PPP1R12A: variants seen among roughly 807,000 people sequenced by gnomAD.
PPP1R12A encodes the protein myosin binding subunit.
PPP1R12A carries 19 observed loss-of-function variants against 139.6 expected under a neutral mutation model. That is an observed-to-expected ratio of 0.14 (90% CI 0.09 to 0.20). The LOEUF (loss-of-function observed/expected upper bound fraction) is 0.20, where lower values mean the gene tolerates loss of function less well. Ranked by LOEUF, PPP1R12A falls within the 10% of genes least tolerant of loss-of-function variation. The pLI is 1.00. For missense variants in PPP1R12A, 925 were observed against 1,211.5 expected (o/e 0.76, Z 3.51); for synonymous variants, 427 against 420.6 (o/e 1.02, Z -0.19).
chr12:79,790,475 G>A lies in PPP1R12A; in HGVS notation c.2658C>T (p.Ser886=). 2.2e-6 allele frequency: 3 copies of A among 1,367,204 alleles called. No homozygotes were observed. Among genetic ancestry groups the A allele is most frequent in the African/African-American group, 1.5e-5 (1 of 67,692 alleles). The allele number at this position is 1,367,204 out of a possible 1,614,324, so 84.7% of individuals were successfully genotyped here. The stretch of plus-strand genomic sequence containing the variant: ...AAATAAATAAAACATACCTAGAAAT[G>A]GAATCCGTCTGGAAAGAAAGAGAAA... ...GSNKKETQTD[S]ISRYETSSTS... The change falls in exon 20 of 25, where the codon TCC becomes TCT. Residue 886 remains serine (S), a synonymous_variant. Transcript: ENST00000450142.
chr12:79,782,040 G>A (rs1210904221), intron 22 of PPP1R12A, 178 bp from the exon 23 acceptor site: 3 of 393,876 alleles, frequency 7.6e-6, no homozygotes, highest in Non-Finnish European at 1.4e-5. Flanking sequence ...TGCAATGAAT[G>A]TTTAGAAATA....
chr12:79,880,021 T>C (rs1164196016), intron 1 of PPP1R12A, among the ~76,000 whole-genome samples: 1 of 151,976 alleles, frequency 6.6e-6, no homozygotes, highest in Admixed American at 6.6e-5. Context: ...TCTGAAAACA[T>C]TTTTTTCCCC....
intron 15 of PPP1R12A, among the ~76,000 whole-genome samples, chr12:79,797,903 G>A (rs1053727909): frequency 1.3e-5 from 2 of 152,150 alleles, no homozygotes; most frequent in East Asian, 1.9e-4. Context: ...GGTAAGGATA[G>A]ACAGCTGAAT....
intron 1 of PPP1R12A, among the ~76,000 whole-genome samples, chr12:79,901,539 T>C (rs1468199389): frequency 1.3e-5 from 2 of 148,832 alleles, no homozygotes; most frequent in African/African-American, 4.9e-5. Flanking sequence ...ATGTGAAAAG[T>C]GCACAGCTTC....
In PPP1R12A at chr12:79,821,180, T is replaced by A. The variant is rs753426746; in HGVS notation, c.868-14A>T. 7 of 1,570,190 alleles carry A rather than the reference T, an allele frequency of 4.5e-6. No homozygotes were observed. Among genetic ancestry groups the A allele is most frequent in the Admixed American group, 3.5e-5 (2 of 56,996 alleles). Reference sequence around the variant, plus strand: ...TTCACTATGGAGCTTTGTACAAAGTTATGCAAAGGAAAATAAGAAAACTAT... The same window carrying A: ...TTCACTATGGAGCTTTGTACAAAGTAATGCAAAGGAAAATAAGAAAACTAT... On this transcript the variant is annotated splice_polypyrimidine_tract_variant and intron_variant, in intron 6 of 24. Coordinates refer to ENST00000450142, the MANE Select transcript of PPP1R12A (RefSeq NM_002480.3).
At position 79,903,016 on chromosome 12, in the gene PPP1R12A, T is replaced by TTATC. The variant is rs151178416; in HGVS notation, c.238-30082_238-30079dup. ...CGTGTACGTGTAAGAAAATGACTGC[T>TTATC]TATCAGTAGCATATAAATTCAGTCA... On this transcript the variant is annotated intron_variant, in intron 1 of 24. Transcript: ENST00000450142. Among the ~76,000 whole-genome samples the TTATC allele has an allele frequency of 2.7e-3, 410 of 152,232 alleles. 2 individuals carry two copies. Among genetic ancestry groups the TTATC allele is most frequent in the African/African-American group, 9.5e-3 (396 of 41,516 alleles).
intron 3 of PPP1R12A, among the ~76,000 whole-genome samples, chr12:79,841,958 A>T (rs935469430): frequency 2.0e-5 from 3 of 152,010 alleles, no homozygotes; most frequent in Non-Finnish European, 4.4e-5. Context: ...ACTTTTTATA[A>T]CACCTCAATT....
At chr12:79,847,441 AC>A (rs1266660299) in intron 2 of PPP1R12A, among the ~76,000 whole-genome samples, 2 of 152,216 alleles carry the variant, frequency 1.3e-5, no homozygotes, top group African/African-American at 4.8e-5. Flanking sequence ...TTTCCTGATT[AC>A]ACATGAGACT....
chr12:79,794,316 TGATTC>T (rs1251639184), intron 18 of PPP1R12A, among the ~76,000 whole-genome samples: 2 of 152,052 alleles, frequency 1.3e-5, no homozygotes, highest in Non-Finnish European at 2.9e-5. Flanking sequence ...TATGCACTCT[TGATTC>T]ATCAAGTTGA....
chr12:79,871,951 T>C (rs1221095150), intron 2 of PPP1R12A, among the ~76,000 whole-genome samples: 4 of 152,160 alleles, frequency 2.6e-5, no homozygotes, highest in African/African-American at 9.6e-5. Context: ...GCAGAGTCAG[T>C]AATAAAATTC....
intron 1 of PPP1R12A, among the ~76,000 whole-genome samples, chr12:79,888,130 G>A (rs1374539491): frequency 6.6e-6 from 1 of 152,126 alleles, no homozygotes; most frequent in African/African-American, 2.4e-5. Context: ...GAATACAATG[G>A]TGAAGTATAC....
rs1872567189 is a variant in PPP1R12A at position 79,796,929 on chromosome 12, C to A, written c.2314G>T (p.Val772Leu). Residue 772 changes from valine (V) to leucine (L), a missense_variant, in exon 17 of 25, where the codon GTA (valine) becomes TTA (leucine). Transcript: ENST00000450142. The stretch of plus-strand genomic sequence containing the variant: ...GGAGTGGTTGAACTTGAAGTTGATA[C>A]TGGCCTATAACGCTGGTAAGTCTGT... ...YDETYQRYRP[V>L]STSSSTTPSS... The A allele has an allele frequency of 6.2e-7, 1 of 1,612,280 alleles. No individual in the cohort carries two copies.
intron 2 of PPP1R12A, 21 bp from the exon 3 acceptor site, chr12:79,845,441 T>C (rs746626982): frequency 9.9e-6 from 15 of 1,515,568 alleles, no homozygotes; most frequent in Non-Finnish European, 1.2e-5. Flanking sequence ...AAAGGAAAAA[T>C]AGTTAAGCAA....
chr12:79,885,047 T>C (rs1883980966), intron 1 of PPP1R12A, among the ~76,000 whole-genome samples: 1 of 151,906 alleles, frequency 6.6e-6, no homozygotes, highest in Non-Finnish European at 1.5e-5. Flanking sequence ...ACAAACATAA[T>C]TAAATTGAGT....
intron 5 of PPP1R12A, among the ~76,000 whole-genome samples, chr12:79,826,763 T>G (rs1335653935): frequency 6.6e-6 from 1 of 152,228 alleles, no homozygotes; most frequent in African/African-American, 2.4e-5. Flanking sequence ...TATGTTTCAC[T>G]AGAATACTGA....
At chr12:79,915,208 A>T (rs1886898436) in intron 1 of PPP1R12A, among the ~76,000 whole-genome samples, 1 of 152,138 alleles carries the variant, frequency 6.6e-6, no homozygotes, top group Admixed American at 6.5e-5. Context: ...TAAGACTCCA[A>T]TTACTATACT....
At chr12:79,807,939 A>G (rs1329982112) in intron 11 of PPP1R12A, among the ~76,000 whole-genome samples, 1 of 151,952 alleles carries the variant, frequency 6.6e-6, no homozygotes, top group Non-Finnish European at 1.5e-5. Flanking sequence ...TGAGAGGCTG[A>G]GGCAGAGAAC....
intron 9 of PPP1R12A, among the ~76,000 whole-genome samples, chr12:79,812,684 ACTATT>A (rs1340153809): frequency 1.3e-5 from 2 of 150,490 alleles, no homozygotes; most frequent in African/African-American, 5.0e-5. Flanking sequence ...ATTCTACCAC[ACTATT>A]CTAGAGTGGA....
At chr12:79,900,583 A>G (rs1020065456) in intron 1 of PPP1R12A, among the ~76,000 whole-genome samples, 2 of 152,238 alleles carry the variant, frequency 1.3e-5, no homozygotes, top group African/African-American at 2.4e-5. Context: ...ACCCATGAAC[A>G]TATCTTTCAG....
Sources: gnomAD v4.1 joint callset for allele counts (sites outside exome capture counted in the v4.1 genomes callset) on GRCh38, gnomAD v4.1.1 for gene constraint, MANE v1.5 for transcripts, NCBI Gene and HGNC (gene_info 2026-07-23, HGNC 2026-07-21) for gene names.